Variants in MRPL35 observed in about 807,000 individuals in gnomAD.
MRPL35 encodes the protein large ribosomal subunit protein bL35m.
In MRPL35, 18 loss-of-function variants were observed where a neutral mutation model predicts 21.6. The observed-to-expected ratio is 0.83, with a 90% CI of 0.58 to 1.24. MRPL35 has a LOEUF of 1.24. MRPL35 is among the 50% of genes most tolerant of loss of function. MRPL35 has a pLI of 0.00. For missense variants in MRPL35, 223 were observed against 223.2 expected (o/e 1.00, Z 0.01); for synonymous variants, 87 against 86.9 (o/e 1.00, Z -0.01).
At chr2:86,200,597 T>C (rs930406646) in intron 1 of MRPL35, among the ~76,000 whole-genome samples, 2 of 152,384 alleles carry the variant, frequency 1.3e-5, no homozygotes, top group Admixed American at 6.5e-5. Context: ...TCATACAGTA[T>C]ATACGCTTTA....
intron 3 of MRPL35, among the ~76,000 whole-genome samples, chr2:86,209,769 A>G (rs1310557437): frequency 6.6e-6 from 1 of 152,194 alleles, no homozygotes; most frequent in Non-Finnish European, 1.5e-5. Flanking sequence ...CCTGCACTCC[A>G]TCCTCCTCTA....
rs187153156 is a variant in MRPL35, at chr2:86,209,710, G to A, written c.379-770G>A. 7.7e-4 allele frequency among the ~76,000 whole-genome samples: 117 copies of A among 152,272 alleles called. 1 individual carries two copies. Among genetic ancestry groups the A allele is most frequent in the African/African-American group, 2.7e-3 (111 of 41,554 alleles). On this transcript the variant is annotated intron_variant, in intron 3 of 3. Coordinates refer to ENST00000337109, the MANE Select transcript of MRPL35 (RefSeq NM_016622.4). ...ATATATTTGAGAACTGTGCTTCTCA[G>A]CTCTTGTAATACTCAGCCTCCTTAA...
At position 86,211,265 on chromosome 2, in the gene MRPL35, C is replaced by G. The variant is rs1673897458; in HGVS notation, c.*597C>G. 4 of 901,212 alleles carry G rather than the reference C, an allele frequency of 4.4e-6. No homozygotes were observed. The highest frequency in any genetic ancestry group is 4.0e-6 in the Non-Finnish European group (3 of 753,622). 55.8% of individuals were successfully genotyped at this position (901,212 alleles called of 1,614,324 possible). A position where few individuals can be genotyped will look rare whatever the true frequency, so the allele number is the denominator to read the frequency against. On this transcript the variant is annotated 3_prime_UTR_variant, in exon 4 of 4. Transcript: ENST00000337109. ...GTTCCTTTGTAATAACTTTAACTTG[C>G]ACCTTTGAGGTTCTTTTCTACATGA...
intron 1 of MRPL35, 27 bp downstream of exon 1, chr2:86,199,560 C>T (rs1446033427): frequency 1.2e-6 from 2 of 1,613,716 alleles, no homozygotes; most frequent in Non-Finnish European, 1.7e-6. Context: ...ATACTCCATG[C>T]ATGCCTTCAC....
chr2:86,213,529 C>G lies in MRPL35; in HGVS notation c.*2861C>G. ...ATTTTGAGCTTCCAAGTCTTTGTGG[C>G]CACCCAATGAAGTTTGAGTCTGCCT... On this transcript the variant is annotated 3_prime_UTR_variant, in exon 4 of 4. Transcript: ENST00000337109. 3 of 1,419,844 alleles carry G rather than the reference C, an allele frequency of 2.1e-6. No individual in the cohort carries two copies. Among genetic ancestry groups the G allele is most frequent in the Non-Finnish European group, 2.8e-6 (3 of 1,072,878 alleles). The allele number at this position is 1,419,844 out of a possible 1,614,324, so 88.0% of individuals were successfully genotyped here.
intron 3 of MRPL35, among the ~76,000 whole-genome samples, chr2:86,207,778 G>T (rs1032145493): frequency 2.6e-5 from 4 of 152,128 alleles, no homozygotes; most frequent in Non-Finnish European, 5.9e-5. Flanking sequence ...GTTGTGGCAG[G>T]TGCCTATAAT....
chr2:86,202,143 T>C (rs1234145791), intron 1 of MRPL35, among the ~76,000 whole-genome samples: 2 of 152,234 alleles, frequency 1.3e-5, no homozygotes, highest in South Asian at 2.1e-4. Flanking sequence ...AATCACATGA[T>C]TGATCCACCA....
intron 1 of MRPL35, among the ~76,000 whole-genome samples, chr2:86,204,599 AAC>A (rs1673756485): frequency 6.6e-6 from 1 of 152,148 alleles, no homozygotes; most frequent in African/African-American, 2.4e-5. Flanking sequence ...TGCAGCCATG[AAC>A]TATTAGTCTG....
At chr2:86,210,037 C>T (rs773403908) in intron 3 of MRPL35, among the ~76,000 whole-genome samples, 10 of 152,210 alleles carry the variant, frequency 6.6e-5, no homozygotes, top group Non-Finnish European at 1.3e-4. Flanking sequence ...CTCTTATTAG[C>T]CCTCAGACCT....
chr2:86,207,064 A>G, intron 2 of MRPL35, 119 bp from the exon 3 acceptor site: 1 of 960,008 alleles, frequency 1.0e-6, no homozygotes, highest in Non-Finnish European at 1.5e-6. Flanking sequence ...GTAATATTGT[A>G]TATGAAAAGT....
intron 1 of MRPL35, 136 bp from the exon 2 acceptor site, chr2:86,205,970 A>G: frequency 2.6e-6 from 2 of 769,242 alleles, no homozygotes; most frequent in Non-Finnish European, 4.3e-6. Context: ...TAAGGTGGTA[A>G]AAGCTTCACA....
intron 1 of MRPL35, among the ~76,000 whole-genome samples, chr2:86,199,769 C>A (rs1380432305): frequency 1.3e-5 from 2 of 152,116 alleles, no homozygotes; most frequent in African/African-American, 2.4e-5. Context: ...AGCTTTTTTT[C>A]CCTAGAAAAG....
intron 3 of MRPL35, 22 bp from the exon 4 acceptor site, chr2:86,210,458 A>G: frequency 1.3e-6 from 2 of 1,585,356 alleles, no homozygotes; most frequent in East Asian, 2.2e-5. Context: ...GATGTTTTAC[A>G]TTTCTTTGTA....
At chr2:86,205,993 G>A (rs1673781098) in intron 1 of MRPL35, 113 bp from the exon 2 acceptor site, 3 of 910,234 alleles carry the variant, frequency 3.3e-6, no homozygotes, top group Admixed American at 4.6e-5. Context: ...TGAGTCTGAT[G>A]CTCAGGGCAC....
chr2:86,205,360 A>T (rs538161126), intron 1 of MRPL35, among the ~76,000 whole-genome samples: 3 of 152,368 alleles, frequency 2.0e-5, no homozygotes, highest in African/African-American at 7.2e-5. Context: ...GAAGTGGATC[A>T]TCATAAAGGT....
intron 1 of MRPL35, 146 bp downstream of exon 1, chr2:86,199,679 G>A (rs763524058): frequency 3.5e-5 from 37 of 1,042,602 alleles, no homozygotes; most frequent in Non-Finnish European, 5.1e-5. Flanking sequence ...CTCTGGGGCG[G>A]TGTGACCGGC....
chr2:86,211,141 G>C lies in MRPL35; in HGVS notation c.*473G>C, dbSNP rs1673895045. The C allele has an allele frequency of 1.0e-6, 1 of 986,636 alleles. No individual in the cohort carries two copies. Among genetic ancestry groups the C allele is most frequent in the African/African-American group, 1.7e-5 (1 of 57,368 alleles). The allele number at this position is 986,636 out of a possible 1,614,324, so 61.1% of individuals were successfully genotyped here. A position where few individuals can be genotyped will look rare whatever the true frequency, so the allele number is the denominator to read the frequency against. On this transcript the variant is annotated 3_prime_UTR_variant, in exon 4 of 4. Coordinates refer to ENST00000337109, the MANE Select transcript of MRPL35 (RefSeq NM_016622.4). The stretch of plus-strand genomic sequence containing the variant: ...CAGGGGAAGGTGGATGTTTAGGCTT[G>C]GGCTCTGCATGCATGTGACTTGCTT...
chr2:86,205,071 T>C (rs1208586494), intron 1 of MRPL35, among the ~76,000 whole-genome samples: 1 of 151,920 alleles, frequency 6.6e-6, no homozygotes, highest in Non-Finnish European at 1.5e-5. Flanking sequence ...AAATTCTGTC[T>C]CTACAAAAAT....
rs1673860282 is a variant in MRPL35, at chr2:86,209,451, AC to A, written c.379-1028del. 2.0e-5 allele frequency among the ~76,000 whole-genome samples: 3 copies of A among 152,222 alleles called. No individual in the cohort carries two copies. In the South Asian group the frequency reaches 6.2e-4, roughly 31 times the overall value. On this transcript the variant is annotated intron_variant, in intron 3 of 3. Coordinates refer to ENST00000337109, the MANE Select transcript of MRPL35 (RefSeq NM_016622.4). ...GCACCTAAGATCCCTTCTAGTTTAAACAGGCTATGATTATAGTTTTTATAAT... is the reference window on the plus strand; with the variant it reads ...GCACCTAAGATCCCTTCTAGTTTAAAAGGCTATGATTATAGTTTTTATAAT...
Sources: gnomAD v4.1 joint callset for allele counts (sites outside exome capture counted in the v4.1 genomes callset) on GRCh38, gnomAD v4.1.1 for gene constraint, MANE v1.5 for transcripts, NCBI Gene and HGNC (gene_info 2026-07-23, HGNC 2026-07-21) for gene names.